Variants in KCTD9 observed in about 807,000 individuals in gnomAD.
KCTD9 encodes potassium channel tetramerization domain containing 9.
Under a neutral mutation model 53.3 loss-of-function variants are expected in KCTD9, and 17 were observed. The observed-to-expected ratio is 0.32, with a 90% confidence interval of 0.22 to 0.48. The LOEUF (loss-of-function observed/expected upper bound fraction) is 0.48. Ranked by LOEUF, KCTD9 falls within the 20% of genes least tolerant of loss-of-function variation. The pLI, the probability that KCTD9 is intolerant of heterozygous loss-of-function variation, is 0.99. For synonymous variants in KCTD9, 128 were observed against 162.7 expected (o/e 0.79, Z 1.62); for missense variants, 179 against 465.5 (o/e 0.38, Z 5.66).
At chr8:25,445,760 A>T (rs1802203867) in intron 2 of KCTD9, among the ~76,000 whole-genome samples, 1 of 152,000 alleles carries the variant, frequency 6.6e-6, no homozygotes. Context: ...ATGATTATAA[A>T]ATGCAAAGCA....
At chr8:25,450,554 G>C (rs1246419958) in intron 1 of KCTD9, 1 of 670,896 alleles carries the variant, frequency 1.5e-6, no homozygotes, top group East Asian at 1.3e-4. Context: ...GCTCAAGCCT[G>C]TAATGCCGGC....
At chr8:25,444,183 C>A in intron 3 of KCTD9, 109 bp downstream of exon 3, 1 of 889,892 alleles carries the variant, frequency 1.1e-6, no homozygotes, top group Non-Finnish European at 1.7e-6. Context: ...TGAATACAGC[C>A]ATAAGATCAT....
At chr8:25,434,014 T>C (rs1419506060) in intron 9 of KCTD9, among the ~76,000 whole-genome samples, 1 of 152,184 alleles carries the variant, frequency 6.6e-6, no homozygotes, top group African/African-American at 2.4e-5. Flanking sequence ...TGGCTAAACA[T>C]TATTAACCCT....
At chr8:25,433,008 T>C (rs1801957340) in intron 10 of KCTD9, among the ~76,000 whole-genome samples, 1 of 152,232 alleles carries the variant, frequency 6.6e-6, no homozygotes, top group African/African-American at 2.4e-5. Context: ...TCCCTGGCTT[T>C]ATGCAAATGA....
At chr8:25,434,051 C>G (rs2117390764) in intron 9 of KCTD9, among the ~76,000 whole-genome samples, 1 of 152,276 alleles carries the variant, frequency 6.6e-6, no homozygotes, top group East Asian at 1.9e-4. Flanking sequence ...ATGCATAATG[C>G]AGGGCAGAGA....
chr8:25,430,051 G>A, intron 11 of KCTD9, 78 bp from the exon 12 acceptor site: 2 of 825,734 alleles, frequency 2.4e-6, no homozygotes, highest in African/African-American at 1.7e-5. Context: ...AATGATTTCT[G>A]GGGCAGATTA....
At chr8:25,440,546 CTCTT>C (rs776917013) in intron 4 of KCTD9, 27 bp downstream of exon 4, 78 of 1,401,032 alleles carry the variant, frequency 5.6e-5, no homozygotes, top group Non-Finnish European at 7.4e-5. Flanking sequence ...CTTTTGCATT[CTCTT>C]TCTAACACAC....
intron 1 of KCTD9, among the ~76,000 whole-genome samples, chr8:25,455,160 G>A (rs924895244): frequency 1.3e-5 from 2 of 152,070 alleles, no homozygotes; most frequent in Non-Finnish European, 2.9e-5. Flanking sequence ...GGGGGGCAGA[G>A]GTTGCAGTGA....
rs778134298 is a variant in KCTD9, at chr8:25,446,194, G to T, written c.105C>A (p.Leu35=). 1 of 1,613,922 alleles carries T rather than the reference G, an allele frequency of 6.2e-7. No homozygotes were observed. Among genetic ancestry groups the T allele is most frequent in the Admixed American group, 1.7e-5 (1 of 60,006 alleles). ...TATACACACTGGTGGCTTTTATGCC[G>T]AGTTTACTGCTGGCCACAGAAAGCA... ...SDLLSVASSK[L]GIKATSVYNG... Residue 35 remains leucine, a synonymous_variant, in exon 2 of 12, where the codon CTC becomes CTA. Coordinates refer to ENST00000221200, the MANE Select transcript of KCTD9 (RefSeq NM_017634.4).
In KCTD9 at chr8:25,458,361, C is replaced by T; in HGVS notation, c.-115G>A. 8.5e-7 allele frequency: 1 copy of T among 1,171,540 alleles called. No homozygotes were observed. 72.6% of individuals were successfully genotyped at this position (1,171,540 alleles called of 1,614,324 possible). On this transcript the variant is annotated 5_prime_UTR_variant, in exon 1 of 12. Coordinates refer to ENST00000221200, the MANE Select transcript of KCTD9 (RefSeq NM_017634.4). Reference sequence around the variant, plus strand: ...CCACCCACTCGGATTCGCCTCCCTTCGCCACCTTCCTGCCCTTGGGGACAC... The same window carrying T: ...CCACCCACTCGGATTCGCCTCCCTTTGCCACCTTCCTGCCCTTGGGGACAC...
chr8:25,432,448 T>C, intron 11 of KCTD9, 56 bp downstream of exon 11: 2 of 1,413,158 alleles, frequency 1.4e-6, no homozygotes, highest in Non-Finnish European at 2.0e-6. Context: ...AAATTTTGCA[T>C]GAGATGCTTA....
chr8:25,458,167 C>G (rs548416158), intron 1 of KCTD9, 32 bp downstream of exon 1: 24 of 1,540,256 alleles, frequency 1.6e-5, no homozygotes, highest in Non-Finnish European at 2.1e-5. Flanking sequence ...CCCCGACCCC[C>G]GGCCCGCCGC....
rs1802237154 is a variant in KCTD9 at position 25,447,542 on chromosome 8, G to C, written c.49-1292C>G. Among the ~76,000 whole-genome samples, 3 of 152,330 alleles carry C rather than the reference G, an allele frequency of 2.0e-5. No homozygotes were observed. In the South Asian group the frequency reaches 6.2e-4, roughly 32 times the overall value. ...ACCAGTGACTGGAATAGAGTGGACA[G>C]TTTCTAGTTAAATAAATACAGTAAA... On this transcript the variant is annotated intron_variant, in intron 1 of 11. Coordinates refer to ENST00000221200, the MANE Select transcript of KCTD9 (RefSeq NM_017634.4).
chr8:25,436,345 T>A lies in KCTD9; in HGVS notation c.568-15A>T, dbSNP rs1279190210. On this transcript the variant is annotated splice_polypyrimidine_tract_variant and intron_variant, in intron 7 of 11. Coordinates refer to ENST00000221200, the MANE Select transcript of KCTD9 (RefSeq NM_017634.4). ...GGTTGAGAATTCTTAAAAAAGACAT[T>A]AAGAAATTAGTGGAGTCTTTTGGGA... 1 of 1,601,048 alleles carries A rather than the reference T, an allele frequency of 6.2e-7. No homozygotes were observed.
intron 11 of KCTD9, among the ~76,000 whole-genome samples, chr8:25,431,819 C>T (rs1439724919): frequency 6.6e-6 from 1 of 152,108 alleles, no homozygotes; most frequent in Non-Finnish European, 1.5e-5. Flanking sequence ...ATACCGTTCT[C>T]TGCTATCCAA....
rs1586422553 is a variant in KCTD9 at position 25,433,272 on chromosome 8, T to G, written c.919+58A>C. ...ACCCTTAACAATTATTTTCCAGGGC[T>G]TTTTTCCTTTACAGTCTGCTTCCTT... On this transcript the variant is annotated intron_variant, in intron 10 of 11. Transcript: ENST00000221200. 4 of 377,140 alleles carry G rather than the reference T, an allele frequency of 1.1e-5. No homozygotes were observed. In the Admixed American group the frequency reaches 2.1e-4, roughly 20 times the overall value. 23.4% of individuals were successfully genotyped at this position (377,140 alleles called of 1,614,324 possible). A position where few individuals can be genotyped will look rare whatever the true frequency, so the allele number is the denominator to read the frequency against.
At chr8:25,436,830 T>C (rs1802026217) in intron 6 of KCTD9, among the ~76,000 whole-genome samples, 1 of 152,228 alleles carries the variant, frequency 6.6e-6, no homozygotes, top group South Asian at 2.1e-4. Context: ...TGACTTGGTA[T>C]ATTTACTTAT....
At chr8:25,451,106 T>C (rs1802311322) in intron 1 of KCTD9, among the ~76,000 whole-genome samples, 1 of 152,242 alleles carries the variant, frequency 6.6e-6, no homozygotes, top group Non-Finnish European at 1.5e-5. Context: ...TCTTGACGTT[T>C]GTTTTCCAAC....
At chr8:25,432,237 T>C (rs1801944676) in intron 11 of KCTD9, among the ~76,000 whole-genome samples, 1 of 152,232 alleles carries the variant, frequency 6.6e-6, no homozygotes, top group African/African-American at 2.4e-5. Flanking sequence ...CTCAAGTAGT[T>C]TAAGAAGTAA....
Sources: gnomAD v4.1 joint callset for allele counts (sites outside exome capture counted in the v4.1 genomes callset) on GRCh38, gnomAD v4.1.1 for gene constraint, MANE v1.5 for transcripts, NCBI Gene and HGNC (gene_info 2026-07-23, HGNC 2026-07-21) for gene names.